ZNRF2: variants seen among roughly 807,000 people sequenced by gnomAD.
ZNRF2 encodes the protein zinc and ring finger 2.
In ZNRF2, 16 loss-of-function variants were observed where a neutral mutation model predicts 20.4. That is an observed-to-expected ratio of 0.79 (90% CI 0.53 to 1.19). The LOEUF (loss-of-function observed/expected upper bound fraction) is 1.19. ZNRF2 is among the 50% of genes most tolerant of loss of function. The pLI is 0.00. For missense variants in ZNRF2, 363 were observed against 332.4 expected (o/e 1.09, Z -0.72); for synonymous variants, 178 against 144.9 (o/e 1.23, Z -1.64).
At chr7:30,331,014 A>G (rs548982568) in intron 2 of ZNRF2, among the ~76,000 whole-genome samples, 13 of 152,276 alleles carry the variant, frequency 8.5e-5, no homozygotes, top group African/African-American at 3.1e-4. Context: ...TTGAAGAGCT[A>G]TTTTTGATAC....
chr7:30,290,214 G>A (rs1293555634), intron 1 of ZNRF2, among the ~76,000 whole-genome samples: 2 of 152,164 alleles, frequency 1.3e-5, no homozygotes, highest in Admixed American at 1.3e-4. Flanking sequence ...TTAAGAAATT[G>A]GACAAAACAT....
intron 1 of ZNRF2, among the ~76,000 whole-genome samples, chr7:30,292,379 A>G (rs1276379953): frequency 6.6e-6 from 1 of 152,170 alleles, no homozygotes; most frequent in Non-Finnish European, 1.5e-5. Context: ...CCAGTATTCC[A>G]AAAATCACTC....
intron 2 of ZNRF2, among the ~76,000 whole-genome samples, chr7:30,341,670 G>A (rs1799797283): frequency 6.6e-6 from 1 of 152,192 alleles, no homozygotes; most frequent in Non-Finnish European, 1.5e-5. Flanking sequence ...TAGATGCGAT[G>A]TGGTGCTAAG....
rs535216493 is a variant in ZNRF2 at position 30,338,276 on chromosome 7, A to AT, written c.565+14553dup. On this transcript the variant is annotated intron_variant, in intron 2 of 4. Coordinates refer to ENST00000323037, the MANE Select transcript of ZNRF2 (RefSeq NM_147128.4). ...ATTCCTGTCCAAAGATGCTGTGCCCATTTTTTTTTTTTTTAATTTAAGTTC... is the reference window on the plus strand; with the variant it reads ...ATTCCTGTCCAAAGATGCTGTGCCCATTTTTTTTTTTTTTTAATTTAAGTTC... Among the ~76,000 whole-genome samples, 1,170 of 137,286 alleles carry AT rather than the reference A, an allele frequency of 8.5e-3. 6 individuals carry two copies. The highest frequency in any genetic ancestry group is 0.031 in the Middle Eastern group (8 of 258). The allele number at this position is 137,286 out of a possible 152,430, so 90.1% of individuals were successfully genotyped here. A position where few individuals can be genotyped will look rare whatever the true frequency, so the allele number is the denominator to read the frequency against.
At chr7:30,323,407 C>G (rs1799505556) in intron 1 of ZNRF2, among the ~76,000 whole-genome samples, 1 of 152,198 alleles carries the variant, frequency 6.6e-6, no homozygotes, top group Non-Finnish European at 1.5e-5. Flanking sequence ...TTGTAGTGGA[C>G]TGCATCCCTC....
chr7:30,301,700 TAAAA>T (rs61418583), intron 1 of ZNRF2, among the ~76,000 whole-genome samples: 7 of 115,692 alleles, frequency 6.1e-5, no homozygotes, highest in African/African-American at 1.3e-4. Flanking sequence ...AGGCTTTTTT[TAAAA>T]AAAAAAAAAA....
intron 2 of ZNRF2, among the ~76,000 whole-genome samples, chr7:30,339,938 C>T (rs1474105686): frequency 2.0e-5 from 3 of 152,062 alleles, no homozygotes; most frequent in Admixed American, 6.6e-5. Context: ...CTCTTATGTC[C>T]TTGAGCAGTG....
At chr7:30,328,146 C>G (rs1799582325) in intron 2 of ZNRF2, among the ~76,000 whole-genome samples, 1 of 152,094 alleles carries the variant, frequency 6.6e-6, no homozygotes, top group South Asian at 2.1e-4. Flanking sequence ...GTCAGACCCC[C>G]CCCAAAATGT....
rs532223578 is a variant in ZNRF2, at chr7:30,319,887, G to A, written c.470-3755G>A. ...TTTTATACACCAAGATGATCCTGCT[G>A]TTCCCATCCCAGTTTTTGTTAGTTT... On this transcript the variant is annotated intron_variant, in intron 1 of 4. Transcript: ENST00000323037. Among the ~76,000 whole-genome samples the A allele has an allele frequency of 4.4e-4, 67 of 152,266 alleles. 1 individual carries two copies. Among genetic ancestry groups the A allele is most frequent in the Middle Eastern group, 3.4e-3 (1 of 294 alleles).
intron 2 of ZNRF2, among the ~76,000 whole-genome samples, chr7:30,354,387 T>C (rs1438619581): frequency 6.6e-6 from 1 of 152,180 alleles, no homozygotes; most frequent in Non-Finnish European, 1.5e-5. Flanking sequence ...GAAGGTGCCC[T>C]GTTACCTCCT....
rs13307899 is a variant in ZNRF2 at position 30,296,603 on chromosome 7, G to T, written c.469+10777G>T. ...TGAAGTCTTGATTTGTAATTCTCCA[G>T]ATTTCCTGTCTATCATAGCACTTCT... is the stretch of plus-strand genomic sequence containing the variant. On this transcript the variant is annotated intron_variant, in intron 1 of 4. Transcript: ENST00000323037. Among the ~76,000 whole-genome samples, 65 of 152,264 alleles carry T rather than the reference G, an allele frequency of 4.3e-4. 1 individual carries two copies. The highest frequency in any genetic ancestry group is 3.4e-3 in the Middle Eastern group (1 of 294).
intron 2 of ZNRF2, among the ~76,000 whole-genome samples, chr7:30,345,635 G>T (rs1799864752): frequency 6.6e-6 from 1 of 151,376 alleles, no homozygotes; most frequent in Non-Finnish European, 1.5e-5. Context: ...CTTCTATTAT[G>T]CACCTTTTTG....
intron 1 of ZNRF2, among the ~76,000 whole-genome samples, chr7:30,297,050 C>T (rs1164633760): frequency 1.3e-5 from 2 of 152,140 alleles, no homozygotes; most frequent in African/African-American, 4.8e-5. Flanking sequence ...TTTAATAATT[C>T]AGAGTCCTTT....
chr7:30,351,258 A>G lies in ZNRF2; in HGVS notation c.566-4470A>G. 1.3e-5 allele frequency among the ~76,000 whole-genome samples: 2 copies of G among 152,096 alleles called. 1 individual carries two copies. Among genetic ancestry groups the G allele is most frequent in the South Asian group, 4.1e-4 (2 of 4,830 alleles). ...TATTCATTACCTATTATATATTTTA[A>G]GGTTTCATATTTTACCAAAATTAAA... On this transcript the variant is annotated intron_variant, in intron 2 of 4. Transcript: ENST00000323037.
chr7:30,287,074 T>G (rs1233404952), intron 1 of ZNRF2, among the ~76,000 whole-genome samples: 1 of 152,234 alleles, frequency 6.6e-6, no homozygotes, highest in African/African-American at 2.4e-5. Flanking sequence ...GACTTTTAAT[T>G]AGCTACCTTG....
rs559049773 is a variant in ZNRF2 at position 30,285,725 on chromosome 7, ACGG to A, written c.379_381del (p.Gly127del). ...GACTCGGTGCACAGCAGCCCTGAGG[ACGG>A]CGGCGGCGGCCGGGACCGGCCGGTG... On this transcript the variant is annotated inframe_deletion, in exon 1 of 5. Transcript: ENST00000323037. The A allele has an allele frequency of 7.5e-6, 11 of 1,472,232 alleles. No homozygotes were observed. Among genetic ancestry groups the A allele is most frequent in the East Asian group, 2.9e-5 (1 of 34,774 alleles). 91.2% of individuals were successfully genotyped at this position (1,472,232 alleles called of 1,614,324 possible). A position where few individuals can be genotyped will look rare whatever the true frequency, so the allele number is the denominator to read the frequency against.
In ZNRF2 at chr7:30,367,488, T is replaced by C. The variant is rs561852586; in HGVS notation, c.*1476T>C. ...TGCACAGTAAGTACTGTTTCCTTAT[T>C]TTAATCTTTCTTTACTCATAATGTA... On this transcript the variant is annotated 3_prime_UTR_variant, in exon 5 of 5. Coordinates refer to ENST00000323037, the MANE Select transcript of ZNRF2 (RefSeq NM_147128.4). The C allele has an allele frequency of 6.6e-6, 1 of 152,314 alleles. No homozygotes were observed. The highest frequency in any genetic ancestry group is 2.1e-4 in the South Asian group (1 of 4,824). 9.4% of individuals were successfully genotyped at this position (152,314 alleles called of 1,614,324 possible).
At chr7:30,324,358 AC>A (rs372450471) in intron 2 of ZNRF2, among the ~76,000 whole-genome samples, 339 of 150,724 alleles carry the variant, frequency 2.2e-3, no homozygotes, top group African/African-American at 7.9e-3. Flanking sequence ...ACATGGTGAA[AC>A]CCCATCTCTA....
At chr7:30,344,477 T>A (rs1184626295) in intron 2 of ZNRF2, among the ~76,000 whole-genome samples, 1 of 152,168 alleles carries the variant, frequency 6.6e-6, no homozygotes, top group African/African-American at 2.4e-5. Context: ...ACCTAATGTT[T>A]GCTTTTATAC....
Sources: allele counts gnomAD v4.1 joint callset (sites outside exome capture counted in the v4.1 genomes callset), GRCh38; gene constraint gnomAD v4.1.1; transcripts MANE v1.5; gene names NCBI Gene and HGNC (gene_info 2026-07-23, HGNC 2026-07-21).